Variants in PDE10A observed in about 807,000 individuals in gnomAD.
PDE10A encodes the protein cAMP and cAMP-inhibited cGMP 3',5'-cyclic phosphodiesterase 10A.
Under a neutral mutation model 97.7 loss-of-function variants are expected in PDE10A, and 39 were observed. The observed-to-expected ratio is 0.40, with a 90% CI of 0.31 to 0.52. The LOEUF (loss-of-function observed/expected upper bound fraction) is 0.52, where lower values mean the gene tolerates loss of function less well. Among genes scored for constraint, PDE10A ranks in the 20% least tolerant of loss-of-function variants. PDE10A has a pLI of 0.56. For missense variants in PDE10A, 731 were observed against 1,047.8 expected, an observed-to-expected ratio of 0.70 and a Z score of 4.17; for synonymous variants, 371 against 376.8, an observed-to-expected ratio of 0.98 and a Z score of 0.18.
chr6:165,807,753 CACCT>C (rs1240169756), intron 1 of PDE10A, among the ~76,000 whole-genome samples: 1 of 152,124 alleles, frequency 6.6e-6, no homozygotes, highest in Non-Finnish European at 1.5e-5. Flanking sequence ...GGCAGTGGTT[CACCT>C]AACGGAAAGG....
chr6:165,463,183 G>A (rs897424318), intron 3 of PDE10A, among the ~76,000 whole-genome samples: 1 of 152,116 alleles, frequency 6.6e-6, no homozygotes, highest in Non-Finnish European at 1.5e-5. Flanking sequence ...CGGTAGAAAT[G>A]GCAAAAAATA....
intron 1 of PDE10A, chr6:165,660,071 G>C (rs928419503): frequency 5.2e-5 from 8 of 152,418 alleles, no homozygotes; most frequent in Non-Finnish European, 1.2e-4. Flanking sequence ...GGTCAACTGA[G>C]AAAAGCAGAT....
intron 1 of PDE10A, among the ~76,000 whole-genome samples, chr6:165,972,284 A>G (rs951771739): frequency 2.6e-5 from 4 of 151,916 alleles, no homozygotes; most frequent in African/African-American, 4.8e-5. Flanking sequence ...AACTCGCGGT[A>G]CCAGCAGGGT....
At chr6:165,685,767 A>T (rs1791097566) in intron 1 of PDE10A, among the ~76,000 whole-genome samples, 1 of 152,146 alleles carries the variant, frequency 6.6e-6, no homozygotes, top group African/African-American at 2.4e-5. Flanking sequence ...ATGTCCTTGG[A>T]GGATGCTGGA....
intron 1 of PDE10A, among the ~76,000 whole-genome samples, chr6:165,722,120 A>C (rs190658473): frequency 4.6e-5 from 7 of 152,378 alleles, no homozygotes; most frequent in Admixed American, 3.9e-4. Flanking sequence ...TGATGATGTC[A>C]GATACTTCTA....
At chr6:165,896,418 A>C (rs945133968) in intron 1 of PDE10A, among the ~76,000 whole-genome samples, 2 of 150,548 alleles carry the variant, frequency 1.3e-5, no homozygotes, top group Non-Finnish European at 2.9e-5. Context: ...CAGTGGCACG[A>C]TCTTGGCTCA....
At chr6:165,597,293 G>T (rs1008484557) in intron 1 of PDE10A, among the ~76,000 whole-genome samples, 1 of 144,828 alleles carries the variant, frequency 6.9e-6, no homozygotes, top group African/African-American at 2.7e-5. Flanking sequence ...CATGGATTAA[G>T]AAAATTATCC....
intron 5 of PDE10A, among the ~76,000 whole-genome samples, chr6:165,446,405 A>G (rs571877929): frequency 2.4e-4 from 36 of 152,322 alleles, no homozygotes; most frequent in African/African-American, 7.5e-4. Context: ...ACTTGAGTGA[A>G]CTTAAGATTT....
chr6:165,748,848 G>A (rs181248803), intron 1 of PDE10A, among the ~76,000 whole-genome samples: 18 of 151,894 alleles, frequency 1.2e-4, no homozygotes, highest in African/African-American at 3.9e-4. Context: ...TCACTCTCCT[G>A]TGAAGAGACA....
intron 1 of PDE10A, among the ~76,000 whole-genome samples, chr6:165,855,067 A>T (rs1280966981): frequency 2.0e-5 from 3 of 152,144 alleles, no homozygotes; most frequent in Non-Finnish European, 2.9e-5. Context: ...AGGACGGGCC[A>T]GCCCTGGACA....
chr6:165,423,298 C>A (rs220812), intron 10 of PDE10A, among the ~76,000 whole-genome samples: 24,031 of 152,104 alleles, frequency 0.16, 2,017 homozygotes, highest in Middle Eastern at 0.25. Context: ...GTTTTCAGAT[C>A]AGAAAGGAAA....
chr6:165,805,516 G>A (rs1023515773), intron 1 of PDE10A, among the ~76,000 whole-genome samples: 1 of 152,152 alleles, frequency 6.6e-6, no homozygotes, highest in Non-Finnish European at 1.5e-5. Context: ...TCTCCACCAA[G>A]AGCCCCTGTT....
At chr6:165,955,580 A>T (rs1004851619) in intron 1 of PDE10A, among the ~76,000 whole-genome samples, 1 of 152,212 alleles carries the variant, frequency 6.6e-6, no homozygotes, top group East Asian at 1.9e-4. Flanking sequence ...CACCATTTCA[A>T]TTCAGGAAAT....
At chr6:165,742,513 G>A (rs1243624542) in intron 1 of PDE10A, among the ~76,000 whole-genome samples, 2 of 152,048 alleles carry the variant, frequency 1.3e-5, no homozygotes, top group African/African-American at 4.8e-5. Context: ...ATTATTGAAG[G>A]CTCTAACTTA....
chr6:165,839,497 C>T (rs1780155256), intron 1 of PDE10A, among the ~76,000 whole-genome samples: 1 of 152,162 alleles, frequency 6.6e-6, no homozygotes, highest in Non-Finnish European at 1.5e-5. Context: ...AACATATTTA[C>T]AACTTCTGGA....
chr6:165,655,992 C>T lies in PDE10A; in HGVS notation c.865+5955G>A, dbSNP rs577430450. Among the ~76,000 whole-genome samples, 35 of 152,096 alleles carry T rather than the reference C, an allele frequency of 2.3e-4. No homozygotes were observed. The highest frequency in any genetic ancestry group is 5.2e-4 in the Admixed American group (8 of 15,284). On this transcript the variant is annotated intron_variant, in intron 1 of 21. Transcript: ENST00000539869. This position sits in a 1 kb window ranked among gnomAD's most constrained non-coding sequence, Gnocchi z 4.5. ...CCTGTGAAGAGAGACCTGCACAGAACAAGGCAAGGAGCCACACAGCTGCAC... is the reference window on the plus strand; with the variant it reads ...CCTGTGAAGAGAGACCTGCACAGAATAAGGCAAGGAGCCACACAGCTGCAC...
intron 1 of PDE10A, among the ~76,000 whole-genome samples, chr6:165,627,780 C>A (rs1385850160): frequency 2.0e-5 from 3 of 152,218 alleles, no homozygotes; most frequent in Non-Finnish European, 2.9e-5. Context: ...TTTTCCAGCA[C>A]AACCACTGTT....
chr6:165,467,121 T>C (rs1185412854), intron 3 of PDE10A, among the ~76,000 whole-genome samples: 1 of 152,140 alleles, frequency 6.6e-6, no homozygotes, highest in African/African-American at 2.4e-5. Flanking sequence ...ATTAGAAGAC[T>C]GAGAGATGTG....
In PDE10A at chr6:165,669,075, GCA is replaced by G. The variant is rs201670170; in HGVS notation, c.-614-125509_-614-125508del. Among the ~76,000 whole-genome samples, 977 of 152,334 alleles carry G rather than the reference GCA, an allele frequency of 6.4e-3. 11 individuals are homozygous for G. Among genetic ancestry groups the G allele is most frequent in the African/African-American group, 0.022 (928 of 41,580 alleles). On this transcript the variant is annotated intron_variant, in intron 1 of 19. Coordinates refer to the PDE10A transcript ENST00000366882. ...TAGACTGAGTCAGGCCTGGTGGCTG[GCA>G]CACACACAGTCTACCCAGTGTCTGC...
Sources: gnomAD v4.1 joint callset for allele counts (sites outside exome capture counted in the v4.1 genomes callset) on GRCh38, gnomAD v4.1.1 for gene constraint, Gnocchi (gnomAD v3.1) non-coding constraint, MANE v1.5 for transcripts, NCBI Gene and HGNC (gene_info 2026-07-23, HGNC 2026-07-21) for gene names.